Variants in IL19 observed in about 807,000 individuals in gnomAD.
IL19 encodes interleukin 19, also known as interleukin-19.
In IL19, 15 loss-of-function variants were observed where a neutral mutation model predicts 19.5. That is an observed-to-expected ratio of 0.77 (90% CI 0.52 to 1.19). The LOEUF is 1.19. Among genes scored for constraint, IL19 ranks in the 50% most tolerant of loss-of-function variants. The pLI is 0.00. For missense variants in IL19, 199 were observed against 213.1 expected, an observed-to-expected ratio of 0.93 and a Z score of 0.41; for synonymous variants, 78 against 78.3, an observed-to-expected ratio of 1.00 and a Z score of 0.02.
chr1:206,825,887 T>C (rs1166163137), intron 2 of IL19, among the ~76,000 whole-genome samples: 2 of 152,206 alleles, frequency 1.3e-5, no homozygotes, highest in Non-Finnish European at 2.9e-5. Context: ...ATTTTGAGGA[T>C]AAAGTGATGA....
intron 2 of IL19, among the ~76,000 whole-genome samples, chr1:206,814,448 T>TAGG (rs897689665): frequency 2.0e-5 from 3 of 149,286 alleles, no homozygotes; most frequent in Non-Finnish European, 4.4e-5. Context: ...CCCAGCACTT[T>TAGG]AGGAGGCTAA....
chr1:206,799,023 A>G lies in IL19; in HGVS notation c.-3+17A>G. 2.0e-6 allele frequency: 3 copies of G among 1,528,004 alleles called. No individual in the cohort carries two copies. In the South Asian group the frequency reaches 3.4e-5, roughly 17 times the overall value. 94.7% of individuals were successfully genotyped at this position (1,528,004 alleles called of 1,614,324 possible). ...TTCCACGGGGTAAGTAATTTCTGCT[A>G]TAGGGACCCTGGATGTGGAGCCATT... On this transcript the variant is annotated intron_variant, in intron 2 of 6. Transcript: ENST00000659997.
chr1:206,778,853 C>T (rs752705157), intron 1 of IL19, among the ~76,000 whole-genome samples: 5 of 152,202 alleles, frequency 3.3e-5, no homozygotes, highest in African/African-American at 1.2e-4. Context: ...ATCACCAGAA[C>T]CTCCACATTT....
intron 2 of IL19, among the ~76,000 whole-genome samples, chr1:206,816,240 G>C (rs1352784062): frequency 6.6e-6 from 1 of 151,820 alleles, no homozygotes; most frequent in African/African-American, 2.4e-5. Flanking sequence ...AGAAATAAAG[G>C]GCACTGGAAA....
At chr1:206,833,894 A>G (rs1450818234) in intron 2 of IL19, 1 of 985,402 alleles carries the variant, frequency 1.0e-6, no homozygotes, top group Non-Finnish European at 1.2e-6. Flanking sequence ...CATGGCAGAC[A>G]CTCATAGCTG....
intron 2 of IL19, among the ~76,000 whole-genome samples, chr1:206,827,531 A>C (rs990186906): frequency 6.6e-6 from 1 of 152,082 alleles, no homozygotes; most frequent in African/African-American, 2.4e-5. Context: ...TCTACTAAAA[A>C]TACAAAAAAT....
chr1:206,781,345 G>A (rs1283415350), intron 1 of IL19, among the ~76,000 whole-genome samples: 18 of 147,418 alleles, frequency 1.2e-4, no homozygotes, highest in African/African-American at 4.5e-4. Flanking sequence ...AATCTGGGAG[G>A]CTGAGGCTGC....
intron 2 of IL19, among the ~76,000 whole-genome samples, chr1:206,819,795 G>A (rs1032220988): frequency 1.3e-5 from 2 of 152,176 alleles, no homozygotes; most frequent in Non-Finnish European, 2.9e-5. Context: ...CGCTTATTGA[G>A]CACTTACTTT....
At chr1:206,794,565 T>C (rs1417134150) in intron 1 of IL19, among the ~76,000 whole-genome samples, 1 of 152,142 alleles carries the variant, frequency 6.6e-6, no homozygotes, top group Admixed American at 6.5e-5. Context: ...GTAGCATGGG[T>C]GTAAGTTTCA....
intron 5 of IL19, chr1:206,840,367 T>C (rs1386934298): frequency 1.1e-5 from 4 of 375,794 alleles, no homozygotes; most frequent in African/African-American, 2.1e-5. Flanking sequence ...GGGTAGTTCC[T>C]TGGTATGGCC....
intron 1 of IL19, among the ~76,000 whole-genome samples, chr1:206,785,055 C>G (rs1426447987): frequency 6.6e-6 from 1 of 152,182 alleles, no homozygotes; most frequent in East Asian, 1.9e-4. Context: ...TAAAGTCCCC[C>G]AATGCCTCCA....
intron 5 of IL19, chr1:206,840,571 A>G: frequency 4.8e-6 from 1 of 206,458 alleles, no homozygotes. Flanking sequence ...AAATTGTTAG[A>G]AGAGTTGATG....
intron 1 of IL19, among the ~76,000 whole-genome samples, chr1:206,789,908 C>T (rs1308759422): frequency 6.6e-6 from 1 of 152,194 alleles, no homozygotes; most frequent in Non-Finnish European, 1.5e-5. Flanking sequence ...GATATGATCT[C>T]ATTCTTTTTT....
At chr1:206,838,930 G>A (rs1174829564) in intron 4 of IL19, among the ~76,000 whole-genome samples, 1 of 152,196 alleles carries the variant, frequency 6.6e-6, no homozygotes, top group Non-Finnish European at 1.5e-5. Context: ...ATCAGCAACA[G>A]TGAAGGAAGA....
At chr1:206,796,987 C>T (rs756289511) in intron 1 of IL19, among the ~76,000 whole-genome samples, 10 of 152,162 alleles carry the variant, frequency 6.6e-5, no homozygotes, top group Non-Finnish European at 1.3e-4. Context: ...GGAAGTATTG[C>T]TCGAAAACCG....
chr1:206,835,049 T>C (rs1170660792), intron 2 of IL19, among the ~76,000 whole-genome samples: 1 of 152,196 alleles, frequency 6.6e-6, no homozygotes, highest in Non-Finnish European at 1.5e-5. Flanking sequence ...GCAGGATAAA[T>C]GTTACTTACT....
chr1:206,794,282 T>C, intron 1 of IL19, among the ~76,000 whole-genome samples: 1 of 152,196 alleles, frequency 6.6e-6, no homozygotes, highest in East Asian at 1.9e-4. Context: ...AAATAACAGA[T>C]GGAAAGTTCC....
chr1:206,798,823 C>T, intron 1 of IL19, 38 bp from the exon 2 acceptor site: 2 of 1,175,782 alleles, frequency 1.7e-6, no homozygotes, highest in Non-Finnish European at 2.5e-6. Flanking sequence ...CTGAGTGTAC[C>T]TTTTTGTAAT....
At position 206,808,200 on chromosome 1, in the gene IL19, A is replaced by G. The variant is rs562677163; in HGVS notation, c.-3+9194A>G. 2.6e-5 allele frequency among the ~76,000 whole-genome samples: 4 copies of G among 152,290 alleles called. No homozygotes were observed. In the East Asian group the frequency reaches 5.8e-4, roughly 22 times the overall value. ...ACAAAAATTAGCCAGGTGTGGTGAT[A>G]TATGCCTGTAATCCCAGCTACTCTG... On this transcript the variant is annotated intron_variant, in intron 2 of 6. Coordinates refer to ENST00000659997, the MANE Select transcript of IL19 (RefSeq NM_153758.5).
Sources: allele counts gnomAD v4.1 joint callset (sites outside exome capture counted in the v4.1 genomes callset), GRCh38; gene constraint gnomAD v4.1.1; transcripts MANE v1.5; gene names NCBI Gene and HGNC (gene_info 2026-07-23, HGNC 2026-07-21).